Variants in TMCO6 observed in about 807,000 individuals in gnomAD.
TMCO6 encodes transmembrane and coiled-coil domain-containing protein 6.
A neutral mutation model predicts 61.8 loss-of-function variants in TMCO6; 47 were observed. The ratio of observed to expected loss-of-function variants is 0.76; its 90% CI spans 0.60 to 0.97. The LOEUF (loss-of-function observed/expected upper bound fraction) is 0.97, where lower values mean the gene tolerates loss of function less well. Ranked by LOEUF, TMCO6 falls within the 50% of genes least tolerant of loss-of-function variation. The pLI is 0.00. For missense variants in TMCO6, 557 were observed against 601.6 expected (o/e 0.93, Z 0.78); for synonymous variants, 261 against 254.2 (o/e 1.03, Z -0.25).
At chr5:140,600,558 C>T in the TMCO6 span, among the ~76,000 whole-genome samples, 28 of 151,860 alleles carry the variant, frequency 1.8e-4, no homozygotes, top group Middle Eastern at 3.4e-3. Flanking sequence ...CTTCGCCTCC[C>T]GAGTTCAAGT....
chr5:140,645,636 G>C, downstream of TMCO6: 2 of 1,614,188 alleles, frequency 1.2e-6, 1 homozygote, highest in South Asian at 2.2e-5. Context: ...TACCTGATCA[G>C]CACTGAAGTT....
intron 11 of TMCO6, 46 bp downstream of exon 11, chr5:140,644,786 C>T (rs1170289402): frequency 6.2e-7 from 1 of 1,606,842 alleles, no homozygotes; most frequent in South Asian, 1.1e-5. Flanking sequence ...GTTCTGAAGC[C>T]ACACAGTGGC....
chr5:140,625,882 G>A, the TMCO6 span, among the ~76,000 whole-genome samples: 1 of 152,164 alleles, frequency 6.6e-6, no homozygotes, highest in Admixed American at 6.5e-5. Flanking sequence ...GATGACAGTA[G>A]AGGAGGCATA....
rs1329461278 is a variant in TMCO6, at chr5:140,639,865, G to T, written c.198+14G>T. The T allele has an allele frequency of 3.1e-6, 5 of 1,589,814 alleles. No homozygotes were observed. The Admixed American group carries it at 9.0e-5, about 29-fold the overall frequency. On this transcript the variant is annotated intron_variant, in intron 2 of 11. Coordinates refer to ENST00000394671, the MANE Select transcript of TMCO6 (RefSeq NM_018502.5). ...GGGGAAACCGAGGTGAGGGGGCAAG[G>T]TAGGGTGCGCTGGAGTCCACGCCCG...
the TMCO6 span, among the ~76,000 whole-genome samples, chr5:140,597,703 TC>T: frequency 6.6e-6 from 1 of 152,156 alleles, no homozygotes; most frequent in Non-Finnish European, 1.5e-5. Context: ...AACAAGTGCC[TC>T]CCCTTCAGTC....
chr5:140,624,764 G>C, the TMCO6 span, among the ~76,000 whole-genome samples: 2 of 150,978 alleles, frequency 1.3e-5, no homozygotes, highest in South Asian at 2.1e-4. Flanking sequence ...CTGACCTCAA[G>C]TGATCCACCC....
chr5:140,630,423 T>A, the TMCO6 span, among the ~76,000 whole-genome samples: 1 of 152,172 alleles, frequency 6.6e-6, no homozygotes, highest in Non-Finnish European at 1.5e-5. Context: ...CAGAAATTTA[T>A]ATATATTCTC....
the TMCO6 span, among the ~76,000 whole-genome samples, chr5:140,612,480 T>C: frequency 6.6e-5 from 10 of 152,054 alleles, no homozygotes; most frequent in Non-Finnish European, 1.0e-4. Flanking sequence ...GCTGGGACTA[T>C]AGGCGCCCGC....
chr5:140,605,239 A>T, the TMCO6 span, among the ~76,000 whole-genome samples: 1 of 152,184 alleles, frequency 6.6e-6, no homozygotes, highest in Non-Finnish European at 1.5e-5. Context: ...TGTGAATTCT[A>T]TGAGACTTTC....
chr5:140,647,490 C>A, downstream of TMCO6: 1 of 1,612,508 alleles, frequency 6.2e-7, no homozygotes, highest in East Asian at 2.2e-5. Flanking sequence ...CACCTGACGC[C>A]CTGGCTGCCG....
the TMCO6 span, among the ~76,000 whole-genome samples, chr5:140,604,500 T>C: frequency 6.2e-3 from 948 of 152,128 alleles, 6 homozygotes; most frequent in Non-Finnish European, 0.01. Context: ...ATAATTTTCA[T>C]AATTTTCTCC....
intron 4 of TMCO6, 127 bp downstream of exon 4, chr5:140,642,180 C>T (rs574870640): frequency 7.2e-6 from 10 of 1,396,400 alleles, no homozygotes; most frequent in Admixed American, 2.0e-5. Flanking sequence ...CATGGCTACA[C>T]CCATCATCTC....
In TMCO6 at chr5:140,643,835, A is replaced by G. The variant is rs1757206341; in HGVS notation, c.974A>G (p.Glu325Gly). Residue 325 changes from glutamate (E) to glycine (G), a missense_variant, in exon 9 of 12, where the codon GAG (glutamate) becomes GGG (glycine). Coordinates refer to ENST00000394671, the MANE Select transcript of TMCO6 (RefSeq NM_018502.5). ...LSNLLTEAAV[E>G]TVGGQMQLRD... is the part of the protein sequence containing the mutation. ...AACCTGCTAACTGAGGCAGCAGTGG[A>G]GACTGTGGGAGGGCAAATGCAGCTC... The G allele has an allele frequency of 3.1e-6, 5 of 1,614,208 alleles. No individual in the cohort carries two copies. In the East Asian group the frequency reaches 8.9e-5, roughly 29 times the overall value.
chr5:140,623,094 G>A, the TMCO6 span, among the ~76,000 whole-genome samples: 1 of 152,200 alleles, frequency 6.6e-6, no homozygotes, highest in Non-Finnish European at 1.5e-5. Flanking sequence ...AAATTAAGGA[G>A]TGTGTAAGCA....
chr5:140,642,928 C>T lies in TMCO6; in HGVS notation c.693C>T (p.Ser231=). The change falls in exon 7 of 12, where the codon TCC becomes TCT. Residue 231 remains serine, a synonymous_variant. Transcript: ENST00000394671. ...AEEAPEKIIP[S]ILASTLPQHM... is the part of the protein sequence containing the mutation. ...ACAGCCCTGCTTCTGCCAGCAGCTCCATCTTGGCCTCCACTCTCCCTCAGC... is the reference window on the plus strand; with the variant it reads ...ACAGCCCTGCTTCTGCCAGCAGCTCTATCTTGGCCTCCACTCTCCCTCAGC... 1 of 1,614,172 alleles carries T rather than the reference C, an allele frequency of 6.2e-7. No homozygotes were observed. The highest frequency in any genetic ancestry group is 1.3e-5 in the African/African-American group (1 of 75,040).
At position 140,643,653 on chromosome 5, in the gene TMCO6, C is replaced by G. The variant is rs17208187; in HGVS notation, c.896C>G (p.Thr299Ser). Residue 299 changes from threonine (T) to serine (S), a missense_variant, in exon 8 of 12, where the codon ACC becomes AGC. By Grantham distance (58) the Thr-to-Ser change is moderately conservative (BLOSUM62 1). Transcript: ENST00000394671. ...GACTTGGCTGGGGCTGTCCAGAAAA[C>G]CGAGGATGCAGGACTGGAGCTGGTA... ...LLDLAGAVQK[T>S]EDAGLELLAC... 0.23 allele frequency: 376,182 copies of G among 1,612,668 alleles called. 45,600 individuals are homozygous for G. The highest frequency in any genetic ancestry group is 0.29 in the East Asian group (12,919 of 44,846).
At chr5:140,645,937 A>T (rs981916944), downstream of TMCO6, among the ~76,000 whole-genome samples, 1 of 151,548 alleles carries the variant, frequency 6.6e-6, no homozygotes, top group Non-Finnish European at 1.5e-5. Context: ...GGGGCACTGT[A>T]GGCATTTATT....
chr5:140,613,446 G>A, the TMCO6 span, among the ~76,000 whole-genome samples: 1 of 148,680 alleles, frequency 6.7e-6, no homozygotes, highest in Non-Finnish European at 1.5e-5. Flanking sequence ...TTTCAGATGG[G>A]GTGACATCTG....
chr5:140,642,838 T>C, intron 6 of TMCO6, 87 bp from the exon 7 acceptor site: 1 of 1,608,290 alleles, frequency 6.2e-7, no homozygotes, highest in South Asian at 1.1e-5. Context: ...GCTTTGGGTT[T>C]GGACACTCTC....
Sources: allele counts gnomAD v4.1 joint callset (sites outside exome capture counted in the v4.1 genomes callset), GRCh38; gene constraint gnomAD v4.1.1; transcripts MANE v1.5; gene names NCBI Gene and HGNC (gene_info 2026-07-23, HGNC 2026-07-21).